Variants in CNTNAP2 observed in about 807,000 individuals in gnomAD.
The protein encoded by CNTNAP2 is contactin-associated protein-like 2.
In CNTNAP2, 98 loss-of-function variants were observed where a neutral mutation model predicts 155.2. The ratio of observed to expected loss-of-function variants is 0.63; its 90% CI spans 0.54 to 0.75. CNTNAP2 has a LOEUF of 0.75. Among genes scored for constraint, CNTNAP2 ranks in the 30% least tolerant of loss-of-function variants. The pLI is 0.00. For synonymous variants in CNTNAP2, 651 were observed against 631.2 expected, an observed-to-expected ratio of 1.03 and a Z score of -0.47; for missense variants, 1,727 against 1,688.1, an observed-to-expected ratio of 1.02 and a Z score of -0.40.
At chr7:147,708,132 C>T (rs571334697) in intron 13 of CNTNAP2, among the ~76,000 whole-genome samples, 92 of 152,246 alleles carry the variant, frequency 6.0e-4, no homozygotes, top group African/African-American at 2.1e-3. Context: ...AACCCTGCTA[C>T]TGGGGAAGGC....
intron 12 of CNTNAP2, among the ~76,000 whole-genome samples, chr7:147,598,844 T>C (rs1800881356): frequency 6.6e-6 from 1 of 152,080 alleles, no homozygotes. Context: ...CTGATGGTTT[T>C]ATAAGGGGCT....
At chr7:147,999,474 A>AT (rs1460393938) in intron 15 of CNTNAP2, among the ~76,000 whole-genome samples, 1 of 152,182 alleles carries the variant, frequency 6.6e-6, no homozygotes, top group East Asian at 1.9e-4. Flanking sequence ...GTATTTTACT[A>AT]TTTTTAATAA....
intron 9 of CNTNAP2, among the ~76,000 whole-genome samples, chr7:147,386,690 T>A (rs542214493): frequency 6.6e-6 from 1 of 152,172 alleles, no homozygotes; most frequent in South Asian, 2.1e-4. Flanking sequence ...CTCTAAGGAG[T>A]TCCGAACTTT....
At chr7:146,704,720 C>A (rs936185696) in intron 1 of CNTNAP2, among the ~76,000 whole-genome samples, 1 of 152,104 alleles carries the variant, frequency 6.6e-6, no homozygotes, top group African/African-American at 2.4e-5. Context: ...TTCTCCATAT[C>A]CTACATAGGT....
rs756029588 is a variant in CNTNAP2, at chr7:147,977,924, G to T, written c.2318G>T (p.Gly773Val). 6.2e-6 allele frequency: 10 copies of T among 1,614,002 alleles called. No individual in the cohort carries two copies. The Admixed American group carries it at 1.7e-4, about 27-fold the overall frequency. Residue 773 changes from glycine (G) to valine (V), a missense_variant, in exon 15 of 24, where the codon GGA becomes GTA. Gly to Val is a moderately radical substitution (Grantham distance 109). Coordinates refer to ENST00000361727, the MANE Select transcript of CNTNAP2 (RefSeq NM_014141.6). ...DHLPVSQVVV[G>V]DTDRQGSEAK... ...CTGCCAGTGAGCCAAGTGGTGGTTG[G>T]AGATACTGACCGTCAAGGCTCAGAA...
At chr7:147,540,362 A>C (rs1799616942) in intron 11 of CNTNAP2, among the ~76,000 whole-genome samples, 1 of 152,160 alleles carries the variant, frequency 6.6e-6, no homozygotes, top group African/African-American at 2.4e-5. Flanking sequence ...AATGCAGCTT[A>C]ATACCTCCAA....
chr7:146,598,877 A>T (rs1202651187), intron 1 of CNTNAP2, among the ~76,000 whole-genome samples: 1 of 152,178 alleles, frequency 6.6e-6, no homozygotes. Context: ...CATTTTCTCC[A>T]CTTCAGTGAT....
Position 146,992,229 on chromosome 7 carries a change from T to TA in CNTNAP2, c.403-51670dup, listed in dbSNP as rs1255352328. ...AGGTAAAAATCAGCAGAACTACTTT[T>TA]AAAAAAAATCTTAGAGTAATACCTC... On this transcript the variant is annotated intron_variant, in intron 3 of 23. Coordinates refer to ENST00000361727, the MANE Select transcript of CNTNAP2 (RefSeq NM_014141.6). Among the ~76,000 whole-genome samples the TA allele has an allele frequency of 1.2e-4, 19 of 152,128 alleles. No homozygotes were observed. In the East Asian group the frequency reaches 3.5e-3, roughly 28 times the overall value.
chr7:146,503,890 A>G (rs142695869), intron 1 of CNTNAP2, among the ~76,000 whole-genome samples: 161 of 152,224 alleles, frequency 1.1e-3, no homozygotes, highest in African/African-American at 3.6e-3. Flanking sequence ...GGCTAAAAGA[A>G]CACTCAAGGG....
chr7:146,607,928 C>G (rs984203468), intron 1 of CNTNAP2, among the ~76,000 whole-genome samples: 12 of 152,012 alleles, frequency 7.9e-5, no homozygotes, highest in African/African-American at 2.9e-4. Context: ...TGCCTCAGTC[C>G]CTTTACTTGC....
intron 15 of CNTNAP2, among the ~76,000 whole-genome samples, chr7:148,070,545 T>C (rs1376383848): frequency 6.6e-6 from 1 of 152,116 alleles, no homozygotes; most frequent in East Asian, 1.9e-4. Context: ...GGCAAAACCC[T>C]GTTTCTACTA....
intron 1 of CNTNAP2, among the ~76,000 whole-genome samples, chr7:146,351,714 A>T (rs1371948422): frequency 3.3e-5 from 5 of 152,162 alleles, no homozygotes; most frequent in Non-Finnish European, 5.9e-5. Context: ...TTTCTAAGTT[A>T]AATGGCTCTC....
chr7:148,380,400 C>G (rs554120961), intron 21 of CNTNAP2, among the ~76,000 whole-genome samples: 2 of 152,258 alleles, frequency 1.3e-5, no homozygotes, highest in East Asian at 3.9e-4. Context: ...ATCAATGATG[C>G]TAATGAAGAT....
At chr7:146,970,285 C>A (rs1049496213) in intron 3 of CNTNAP2, among the ~76,000 whole-genome samples, 2 of 151,810 alleles carry the variant, frequency 1.3e-5, no homozygotes, top group Non-Finnish European at 2.9e-5. Flanking sequence ...CCTACAAAAT[C>A]GGAGAAAATT....
chr7:146,717,999 C>G (rs147299384), intron 1 of CNTNAP2, among the ~76,000 whole-genome samples: 1 of 152,124 alleles, frequency 6.6e-6, no homozygotes, highest in East Asian at 1.9e-4. Context: ...TTCTTTTACA[C>G]CTTTAATAAC....
At chr7:146,610,794 G>A (rs986700751) in intron 1 of CNTNAP2, among the ~76,000 whole-genome samples, 4 of 152,150 alleles carry the variant, frequency 2.6e-5, no homozygotes, top group Admixed American at 6.5e-5. Context: ...ACTTTAACAC[G>A]TAAACCTATC....
rs1190357496 is a variant in CNTNAP2 at position 146,961,352 on chromosome 7, TGGTCAGGGTCTTG to T, written c.403-82550_403-82538del. 2.0e-5 allele frequency among the ~76,000 whole-genome samples: 3 copies of T among 152,154 alleles called. No homozygotes were observed. The East Asian group carries it at 5.8e-4, about 29-fold the overall frequency. On this transcript the variant is annotated intron_variant, in intron 3 of 23. Coordinates refer to ENST00000361727, the MANE Select transcript of CNTNAP2 (RefSeq NM_014141.6). Reference sequence around the variant, plus strand: ...CCACATGTAGGGACCTAAATAACGCTGGTCAGGGTCTTGGGTCTACCTATGTGAAGCAAACAGG... The same window carrying T: ...CCACATGTAGGGACCTAAATAACGCTGGTCTACCTATGTGAAGCAAACAGG...
chr7:147,335,754 A>G (rs2116850092), intron 9 of CNTNAP2, among the ~76,000 whole-genome samples: 1 of 152,314 alleles, frequency 6.6e-6, no homozygotes, highest in Middle Eastern at 3.4e-3. Context: ...GTGTCATAAT[A>G]TTTTAGATTT....
At chr7:146,791,737 A>C (rs1351313795) in intron 2 of CNTNAP2, among the ~76,000 whole-genome samples, 1 of 152,222 alleles carries the variant, frequency 6.6e-6, no homozygotes, top group Non-Finnish European at 1.5e-5. Context: ...GCAAGGATTC[A>C]CTAAGGAGTG....
Sources: allele counts gnomAD v4.1 joint callset (sites outside exome capture counted in the v4.1 genomes callset), GRCh38; gene constraint gnomAD v4.1.1; transcripts MANE v1.5; gene names NCBI Gene and HGNC (gene_info 2026-07-23, HGNC 2026-07-21).